Variants in CTNNA2 observed in about 807,000 individuals in gnomAD.
CTNNA2 encodes the protein catenin alpha-2.
In CTNNA2, 42 loss-of-function variants were observed where a neutral mutation model predicts 101.0. The ratio of observed to expected loss-of-function variants is 0.42; its 90% CI spans 0.32 to 0.54. The LOEUF is 0.54. Among genes scored for constraint, CTNNA2 ranks in the 20% least tolerant of loss-of-function variants. CTNNA2 has a pLI of 0.14. For synonymous variants in CTNNA2, 450 were observed against 456.4 expected (o/e 0.99, Z 0.18); for missense variants, 871 against 1,223.1 (o/e 0.71, Z 4.29).
intron 3 of CTNNA2, among the ~76,000 whole-genome samples, chr2:79,820,593 A>G (rs567801218): frequency 1.3e-5 from 2 of 152,320 alleles, no homozygotes; most frequent in East Asian, 3.9e-4. Context: ...GTGTATGCAT[A>G]TATGCACTCA....
chr2:80,476,609 A>G (rs1559141182), intron 9 of CTNNA2, among the ~76,000 whole-genome samples: 1 of 152,166 alleles, frequency 6.6e-6, no homozygotes, highest in African/African-American at 2.4e-5. Context: ...TCAGTTCTTT[A>G]CATTTTTTCT....
intron 2 of CTNNA2, among the ~76,000 whole-genome samples, chr2:79,284,970 C>G (rs1675521100): frequency 2.7e-5 from 3 of 112,342 alleles, no homozygotes; most frequent in Admixed American, 1.8e-4. Flanking sequence ...GATTCAACTT[C>G]TTCCTGGTTT....
At chr2:79,222,990 TA>T (rs113544177) in intron 2 of CTNNA2, among the ~76,000 whole-genome samples, 78 of 148,670 alleles carry the variant, frequency 5.2e-4, no homozygotes, top group African/African-American at 1.4e-3. Flanking sequence ...TAAAAAAAGT[TA>T]AAAAAAAAAA....
Position 79,985,805 on chromosome 2 carries a change from G to C in CTNNA2, c.1056+76008G>C, listed in dbSNP as rs56742526. The stretch of plus-strand genomic sequence containing the variant: ...CAGCATCCAACCTCCTGGGTGTCTT[G>C]TAGCAGACCTGGAGCCAGGCAAGTG... On this transcript the variant is annotated intron_variant, in intron 7 of 18. Transcript: ENST00000402739. Among the ~76,000 whole-genome samples, 22 of 152,212 alleles carry C rather than the reference G, an allele frequency of 1.4e-4. No homozygotes were observed. In the East Asian group the frequency reaches 3.3e-3, roughly 23 times the overall value.
chr2:79,972,811 G>A (rs1394284657), intron 7 of CTNNA2, among the ~76,000 whole-genome samples: 1 of 152,114 alleles, frequency 6.6e-6, no homozygotes, highest in Non-Finnish European at 1.5e-5. Context: ...GGGTGCTATG[G>A]CAGCCCTCGT....
At position 80,581,633 on chromosome 2, in the gene CTNNA2, T is replaced by G; in HGVS notation, c.1894-73T>G. On this transcript the variant is annotated intron_variant, in intron 13 of 18. Transcript: ENST00000402739. ...CTGTTTGCTGGGGGATATTTAGCCT[T>G]TGCAATGAAGTGTGTGGATGGGGGT... 1.9e-5 allele frequency: 18 copies of G among 925,838 alleles called. No homozygotes were observed. In the South Asian group the frequency reaches 2.5e-4, roughly 13 times the overall value. 57.4% of individuals were successfully genotyped at this position (925,838 alleles called of 1,614,324 possible).
intron 7 of CTNNA2, among the ~76,000 whole-genome samples, chr2:80,376,252 T>C (rs1326205661): frequency 6.6e-6 from 1 of 152,200 alleles, no homozygotes; most frequent in African/African-American, 2.4e-5. Flanking sequence ...TTTAACTCTT[T>C]AAGTTTTCTT....
At chr2:79,336,134 T>C (rs1243494366) in intron 3 of CTNNA2, among the ~76,000 whole-genome samples, 1 of 152,226 alleles carries the variant, frequency 6.6e-6, no homozygotes, top group East Asian at 1.9e-4. Flanking sequence ...GGAATTAGGA[T>C]TGGTGCATAG....
intron 6 of CTNNA2, among the ~76,000 whole-genome samples, chr2:79,889,230 G>C (rs780223271): frequency 6.6e-6 from 1 of 152,076 alleles, no homozygotes; most frequent in Non-Finnish European, 1.5e-5. Context: ...GCATCCATTT[G>C]GATTTTTCAA....
chr2:80,285,905 C>G (rs574592462), intron 7 of CTNNA2, among the ~76,000 whole-genome samples: 1 of 152,212 alleles, frequency 6.6e-6, no homozygotes, highest in Non-Finnish European at 1.5e-5. Flanking sequence ...TTTCACTTGC[C>G]TTTTTATTTT....
chr2:79,586,211 G>A (rs1676476830), intron 1 of CTNNA2, among the ~76,000 whole-genome samples: 2 of 152,194 alleles, frequency 1.3e-5, no homozygotes, highest in East Asian at 3.9e-4. Flanking sequence ...CTTCTCTGTG[G>A]TGTAGTACAT....
chr2:79,679,856 G>A (rs535844894), intron 2 of CTNNA2, among the ~76,000 whole-genome samples: 1 of 152,034 alleles, frequency 6.6e-6, no homozygotes, highest in South Asian at 2.1e-4. Flanking sequence ...TCTTCTCCCC[G>A]ATCCCCTATT....
intron 3 of CTNNA2, 108 bp from the exon 4 acceptor site, chr2:79,857,905 C>A: frequency 8.5e-7 from 1 of 1,182,588 alleles, no homozygotes; most frequent in Non-Finnish European, 1.2e-6. Context: ...ACCACCTGGT[C>A]ATCAGAGTTT....
At chr2:79,493,184 G>C (rs1013362464) in intron 4 of CTNNA2, among the ~76,000 whole-genome samples, 6 of 151,562 alleles carry the variant, frequency 4.0e-5, no homozygotes, top group African/African-American at 1.2e-4. Context: ...AAGACAAAGA[G>C]GCAAAAGTAA....
intron 7 of CTNNA2, among the ~76,000 whole-genome samples, chr2:80,287,548 G>A (rs1403587266): frequency 1.3e-5 from 2 of 152,140 alleles, no homozygotes; most frequent in South Asian, 2.1e-4. Flanking sequence ...CGATACTGAC[G>A]ATAGTAATAA....
chr2:79,477,025 A>G (rs1322407712), intron 4 of CTNNA2, among the ~76,000 whole-genome samples: 2 of 152,256 alleles, frequency 1.3e-5, no homozygotes, highest in Non-Finnish European at 2.9e-5. Flanking sequence ...ATGACAATAC[A>G]GAACAAAAGT....
chr2:79,695,217 T>C (rs1684583117), intron 2 of CTNNA2, among the ~76,000 whole-genome samples: 1 of 151,894 alleles, frequency 6.6e-6, no homozygotes, highest in Non-Finnish European at 1.5e-5. Context: ...TAGGGCAGAG[T>C]TGTCATCTTG....
In CTNNA2 at chr2:79,934,750, A is replaced by G. The variant is rs183779242; in HGVS notation, c.1056+24953A>G. ...GTGAGCTCTTCCTCATTTCCCCCCA[A>G]AAAAGACATGGGACCCTTTGGTGTA... On this transcript the variant is annotated intron_variant, in intron 7 of 18. Transcript: ENST00000402739. Among the ~76,000 whole-genome samples the G allele has an allele frequency of 9.8e-5, 15 of 152,348 alleles. No homozygotes were observed. In the East Asian group the frequency reaches 2.5e-3, roughly 25 times the overall value.
At chr2:80,013,805 T>G (rs1019524109) in intron 7 of CTNNA2, among the ~76,000 whole-genome samples, 3 of 152,188 alleles carry the variant, frequency 2.0e-5, no homozygotes, top group Non-Finnish European at 4.4e-5. Context: ...AAAGTCAAAG[T>G]CTAAAGTGAA....
Sources: allele counts gnomAD v4.1 joint callset (sites outside exome capture counted in the v4.1 genomes callset), GRCh38; gene constraint gnomAD v4.1.1; transcripts MANE v1.5; gene names NCBI Gene and HGNC (gene_info 2026-07-23, HGNC 2026-07-21).